GALNT17: variants seen among roughly 807,000 people sequenced by gnomAD.
The protein encoded by GALNT17 is UDP-GalNAc:polypeptide N-acetylgalactosaminyltransferase-like 3.
GALNT17 carries 29 observed loss-of-function variants against 63.7 expected under a neutral mutation model. The ratio of observed to expected loss-of-function variants is 0.46; its 90% CI spans 0.34 to 0.62. The LOEUF is 0.62. Ranked by LOEUF, GALNT17 falls within the 20% of genes least tolerant of loss-of-function variation. GALNT17 has a pLI of 0.01. For missense variants in GALNT17, 603 were observed against 799.6 expected (o/e 0.75, Z 2.97); for synonymous variants, 305 against 318.3 (o/e 0.96, Z 0.45).
intron 1 of GALNT17, among the ~76,000 whole-genome samples, chr7:71,165,181 GAC>G (rs1788413809): frequency 6.6e-6 from 1 of 152,200 alleles, no homozygotes; most frequent in South Asian, 2.1e-4. Flanking sequence ...CTAACAGAAA[GAC>G]AGGTTTTTCA....
intron 2 of GALNT17, among the ~76,000 whole-genome samples, chr7:71,348,671 A>G (rs1474020449): frequency 1.3e-5 from 2 of 152,218 alleles, no homozygotes; most frequent in Non-Finnish European, 2.9e-5. Flanking sequence ...AATCAAACCA[A>G]TGTTGAGATT....
chr7:71,710,694 C>G (rs1407814618), intron 9 of GALNT17, 67 bp from the exon 10 acceptor site: 2 of 1,570,982 alleles, frequency 1.3e-6, no homozygotes, highest in African/African-American at 2.7e-5. Context: ...GACCTGAGCC[C>G]TGCTTCCTCC....
chr7:71,349,341 C>T (rs771417761), intron 2 of GALNT17, among the ~76,000 whole-genome samples: 1 of 152,110 alleles, frequency 6.6e-6, no homozygotes, highest in Admixed American at 6.6e-5. Context: ...GCCACGTGTG[C>T]GCTGTGCAGG....
At chr7:71,371,725 A>C (rs1235936780) in intron 2 of GALNT17, among the ~76,000 whole-genome samples, 1 of 152,178 alleles carries the variant, frequency 6.6e-6, no homozygotes, top group Non-Finnish European at 1.5e-5. Flanking sequence ...ATAATTCTAA[A>C]TTTAATGGTT....
chr7:71,233,413 G>C (rs188489799), intron 1 of GALNT17, among the ~76,000 whole-genome samples: 1 of 152,286 alleles, frequency 6.6e-6, no homozygotes, highest in East Asian at 1.9e-4. Flanking sequence ...GTACCTCTGT[G>C]AGGGACTCAT....
intron 1 of GALNT17, among the ~76,000 whole-genome samples, chr7:71,223,261 C>T (rs763180959): frequency 2.0e-5 from 3 of 152,106 alleles, no homozygotes; most frequent in African/African-American, 4.8e-5. Context: ...CTAAGTGGTG[C>T]GTTTCTAGCT....
intron 5 of GALNT17, among the ~76,000 whole-genome samples, chr7:71,570,355 C>T (rs1789419046): frequency 6.6e-6 from 1 of 152,158 alleles, no homozygotes; most frequent in Non-Finnish European, 1.5e-5. Flanking sequence ...CCTGAGTCTT[C>T]TCCCTTCTCT....
At chr7:71,221,376 A>G (rs1235909136) in intron 1 of GALNT17, among the ~76,000 whole-genome samples, 1 of 144,752 alleles carries the variant, frequency 6.9e-6, no homozygotes, top group East Asian at 2.0e-4. Flanking sequence ...ACAGAATTAC[A>G]GCCATGCTTT....
At chr7:71,677,682 T>C (rs1040364679) in intron 9 of GALNT17, among the ~76,000 whole-genome samples, 2 of 151,936 alleles carry the variant, frequency 1.3e-5, no homozygotes, top group Non-Finnish European at 2.9e-5. Context: ...GCCCAGCTAA[T>C]TTTTTTGTAT....
At chr7:71,595,427 G>A (rs1183202578) in intron 6 of GALNT17, among the ~76,000 whole-genome samples, 15 of 147,788 alleles carry the variant, frequency 1.0e-4, no homozygotes, top group Non-Finnish European at 1.6e-4. Flanking sequence ...GGGAGACTCT[G>A]TCTCAAAAAA....
At chr7:71,267,344 A>G (rs1790508570) in intron 1 of GALNT17, among the ~76,000 whole-genome samples, 1 of 149,044 alleles carries the variant, frequency 6.7e-6, no homozygotes, top group African/African-American at 2.5e-5. Flanking sequence ...TAACTTTGAT[A>G]TCTCCTGTTA....
intron 9 of GALNT17, among the ~76,000 whole-genome samples, chr7:71,678,675 G>T (rs890251388): frequency 6.6e-6 from 1 of 151,718 alleles, no homozygotes; most frequent in Non-Finnish European, 1.5e-5. Context: ...GGCGCCTGTA[G>T]TCCCAGCTAC....
chr7:71,695,662 A>T (rs1034313805), intron 9 of GALNT17, among the ~76,000 whole-genome samples: 6 of 152,100 alleles, frequency 3.9e-5, no homozygotes, highest in Admixed American at 3.3e-4. Flanking sequence ...AGGATTTCTC[A>T]TGCTCCTTTT....
chr7:71,255,271 G>A (rs61175396), intron 1 of GALNT17, among the ~76,000 whole-genome samples: 7,927 of 152,212 alleles, frequency 0.052, 705 homozygotes, highest in African/African-American at 0.18. Context: ...TGCTGTTCTC[G>A]TGATAGTGAA....
At chr7:71,643,156 C>T (rs1236040959) in intron 6 of GALNT17, among the ~76,000 whole-genome samples, 4 of 151,096 alleles carry the variant, frequency 2.6e-5, no homozygotes, top group Non-Finnish European at 5.9e-5. Flanking sequence ...TCAAGATCAA[C>T]GCTATTCAGA....
chr7:71,166,094 T>C (rs1420146317), intron 1 of GALNT17, among the ~76,000 whole-genome samples: 1 of 152,244 alleles, frequency 6.6e-6, no homozygotes, highest in African/African-American at 2.4e-5. Flanking sequence ...AGAGTTTTTG[T>C]GACTTCATCG....
At chr7:71,247,024 C>T (rs187154685) in intron 1 of GALNT17, among the ~76,000 whole-genome samples, 5 of 152,198 alleles carry the variant, frequency 3.3e-5, no homozygotes, top group African/African-American at 1.2e-4. Flanking sequence ...ATCTACTTGC[C>T]TCAGCCTCCC....
chr7:71,466,535 G>A (rs893576520), intron 5 of GALNT17, among the ~76,000 whole-genome samples: 1 of 152,168 alleles, frequency 6.6e-6, no homozygotes, highest in Non-Finnish European at 1.5e-5. Flanking sequence ...TCTTGTGGGG[G>A]AAATTTGCAT....
At chr7:71,659,512 C>T (rs1247581704) in intron 6 of GALNT17, among the ~76,000 whole-genome samples, 3 of 152,172 alleles carry the variant, frequency 2.0e-5, no homozygotes. Flanking sequence ...CTCTATTGCT[C>T]CATTGTCTTT....
Sources: allele counts gnomAD v4.1 joint callset (sites outside exome capture counted in the v4.1 genomes callset), GRCh38; gene constraint gnomAD v4.1.1; transcripts MANE v1.5; gene names NCBI Gene and HGNC (gene_info 2026-07-23, HGNC 2026-07-21).